The following DGKI variants were observed in gnomAD, a reference collection of about 807,000 sequenced individuals.
The protein encoded by DGKI is DAG kinase iota.
Under a neutral mutation model 147.5 loss-of-function variants are expected in DGKI, and 55 were observed. That is an observed-to-expected ratio of 0.37 (90% CI 0.30 to 0.47). The LOEUF is 0.47. Among genes scored for constraint, DGKI ranks in the 20% least tolerant of loss-of-function variants. The pLI is 1.00. For missense variants in DGKI, 1,007 were observed against 1,323.8 expected (o/e 0.76, Z 3.71); for synonymous variants, 469 against 477.1 (o/e 0.98, Z 0.22).
intron 10 of DGKI, among the ~76,000 whole-genome samples, chr7:137,600,545 C>A (rs1420592504): frequency 1.3e-5 from 2 of 151,938 alleles, no homozygotes; most frequent in Non-Finnish European, 2.9e-5. Flanking sequence ...ATGCAGTAAG[C>A]CCTTAATGAA....
At chr7:137,575,264 A>C (rs6949210) in intron 17 of DGKI, among the ~76,000 whole-genome samples, 9,758 of 152,180 alleles carry the variant, frequency 0.064, 776 homozygotes, top group African/African-American at 0.19. Flanking sequence ...TAAACATTCC[A>C]CCTTTAATAT....
chr7:137,443,782 G>C (rs555260243), intron 28 of DGKI, among the ~76,000 whole-genome samples: 1 of 152,244 alleles, frequency 6.6e-6, no homozygotes, highest in African/African-American at 2.4e-5. Context: ...CACAGGACTA[G>C]TCCAAAACCA....
chr7:137,568,033 T>A (rs1818651096), intron 19 of DGKI, among the ~76,000 whole-genome samples: 1 of 152,184 alleles, frequency 6.6e-6, no homozygotes, highest in Non-Finnish European at 1.5e-5. Context: ...TATTATTTTG[T>A]CTATTTTTAC....
At chr7:137,469,305 G>A (rs1203945766) in intron 24 of DGKI, among the ~76,000 whole-genome samples, 1 of 152,172 alleles carries the variant, frequency 6.6e-6, no homozygotes, top group Admixed American at 6.5e-5. Flanking sequence ...AAAAACATCG[G>A]CCTGAGCAAC....
At chr7:137,431,850 A>C (rs1813086489) in intron 28 of DGKI, among the ~76,000 whole-genome samples, 1 of 152,108 alleles carries the variant, frequency 6.6e-6, no homozygotes, top group Non-Finnish European at 1.5e-5. Flanking sequence ...CCTACCACCC[A>C]TTCGAAAGTT....
chr7:137,768,633 C>T (rs1351573853), intron 1 of DGKI, among the ~76,000 whole-genome samples: 2 of 152,170 alleles, frequency 1.3e-5, no homozygotes, highest in South Asian at 4.1e-4. Flanking sequence ...GTACAGGCCC[C>T]GGGCAGAATC....
At chr7:137,720,546 C>T (rs1467418008) in intron 1 of DGKI, among the ~76,000 whole-genome samples, 1 of 152,120 alleles carries the variant, frequency 6.6e-6, no homozygotes, top group Non-Finnish European at 1.5e-5. Flanking sequence ...GTGTGAGCCA[C>T]CGCGCCCGGC....
At chr7:137,443,984 G>T in intron 28 of DGKI, 93 bp downstream of exon 28, 3 of 1,065,326 alleles carry the variant, frequency 2.8e-6, no homozygotes, top group South Asian at 1.5e-5. Flanking sequence ...AGAGACATTT[G>T]CTTAAACAAT....
At chr7:137,604,348 A>G (rs1169715718) in intron 10 of DGKI, among the ~76,000 whole-genome samples, 2 of 152,196 alleles carry the variant, frequency 1.3e-5, no homozygotes, top group Non-Finnish European at 2.9e-5. Context: ...ACTTCATTAA[A>G]GTTGCTTGTC....
intron 28 of DGKI, among the ~76,000 whole-genome samples, chr7:137,423,814 G>C (rs17169163): frequency 0.022 from 3,285 of 152,242 alleles, 98 homozygotes; most frequent in South Asian, 0.15. Flanking sequence ...TAAATAAAAT[G>C]TCAAGAGCAT....
intron 27 of DGKI, among the ~76,000 whole-genome samples, chr7:137,452,530 C>T (rs535514862): frequency 1.3e-5 from 2 of 152,320 alleles, no homozygotes; most frequent in Admixed American, 6.5e-5. Flanking sequence ...AAGCAGCACA[C>T]GTATGTCCAC....
intron 1 of DGKI, among the ~76,000 whole-genome samples, chr7:137,724,426 T>A (rs143066460): frequency 3.4e-3 from 511 of 152,318 alleles, no homozygotes; most frequent in Non-Finnish European, 5.4e-3. Context: ...GGGGTATAAC[T>A]AGAGAAATCA....
intron 12 of DGKI, among the ~76,000 whole-genome samples, chr7:137,594,395 G>A (rs920969469): frequency 1.1e-4 from 16 of 152,024 alleles, no homozygotes; most frequent in African/African-American, 3.9e-4. Context: ...TAATATTGAA[G>A]CCTAAGAACT....
intron 1 of DGKI, among the ~76,000 whole-genome samples, chr7:137,794,972 T>C (rs1033146520): frequency 6.6e-6 from 1 of 152,196 alleles, no homozygotes; most frequent in African/African-American, 2.4e-5. Flanking sequence ...TCCCTTTTTC[T>C]GATTCTGTAC....
chr7:137,410,810 C>T (rs1812134820), intron 29 of DGKI, among the ~76,000 whole-genome samples: 2 of 152,168 alleles, frequency 1.3e-5, no homozygotes, highest in African/African-American at 4.8e-5. Context: ...GAAGGCCTTG[C>T]ACAGAGTACA....
Position 137,412,150 on chromosome 7 carries a change from T to A in DGKI, c.2799+20A>T. On this transcript the variant is annotated intron_variant, in intron 29 of 32. Coordinates refer to ENST00000614521, the MANE Select transcript of DGKI (RefSeq NM_001321708.2). ...AAGTTCTTAAAGCATCGCCAAAGATTTGGTAGGAAGATATCTTACCTTCAT... is the reference window on the plus strand; with the variant it reads ...AAGTTCTTAAAGCATCGCCAAAGATATGGTAGGAAGATATCTTACCTTCAT... 6.2e-7 allele frequency: 1 copy of A among 1,611,398 alleles called. No homozygotes were observed. The highest frequency in any genetic ancestry group is 8.5e-7 in the Non-Finnish European group (1 of 1,177,590).
intron 7 of DGKI, among the ~76,000 whole-genome samples, chr7:137,620,854 T>C (rs1341913601): frequency 1.3e-5 from 2 of 152,236 alleles, no homozygotes; most frequent in East Asian, 1.9e-4. Flanking sequence ...GCAATAATTA[T>C]AGGCCTTAAA....
chr7:137,801,905 T>C (rs147762264), intron 1 of DGKI, among the ~76,000 whole-genome samples: 1 of 152,284 alleles, frequency 6.6e-6, no homozygotes, highest in African/African-American at 2.4e-5. Flanking sequence ...TGGAAAACTT[T>C]ATGCAAAAAA....
intron 28 of DGKI, among the ~76,000 whole-genome samples, chr7:137,433,952 T>C (rs1346429879): frequency 6.6e-6 from 1 of 151,706 alleles, no homozygotes; most frequent in African/African-American, 2.4e-5. Context: ...ACATCATCTC[T>C]AGTAAAAAAC....
Sources: gnomAD v4.1 joint callset for allele counts (sites outside exome capture counted in the v4.1 genomes callset) on GRCh38, gnomAD v4.1.1 for gene constraint, MANE v1.5 for transcripts, NCBI Gene and HGNC (gene_info 2026-07-23, HGNC 2026-07-21) for gene names.